The following CDH12 variants were observed in gnomAD, a reference collection of about 807,000 sequenced individuals.
CDH12 encodes cadherin 12, also known as cadherin-12.
A neutral mutation model predicts 74.1 loss-of-function variants in CDH12; 41 were observed. The observed-to-expected ratio is 0.55, with a 90% confidence interval of 0.43 to 0.72. The LOEUF is 0.72. Ranked by LOEUF, CDH12 falls within the 30% of genes least tolerant of loss-of-function variation. The pLI, the probability that CDH12 is intolerant of heterozygous loss-of-function variation, is 0.00. For missense variants in CDH12, 945 were observed against 977.2 expected (o/e 0.97, Z 0.44); for synonymous variants, 399 against 355.0 (o/e 1.12, Z -1.39).
chr5:22,117,144 C>T (rs535550007), intron 4 of CDH12, among the ~76,000 whole-genome samples: 3 of 151,126 alleles, frequency 2.0e-5, no homozygotes, highest in Non-Finnish European at 4.4e-5. Context: ...ATCTGCAGTA[C>T]ACAATGAAAG....
chr5:21,938,201 T>C (rs1036697191), intron 6 of CDH12, among the ~76,000 whole-genome samples: 13 of 151,896 alleles, frequency 8.6e-5, no homozygotes, highest in African/African-American at 3.1e-4. Flanking sequence ...CTCTCCAGAG[T>C]AGTTAAGCTC....
At chr5:22,470,610 A>G (rs373285915) in intron 2 of CDH12, among the ~76,000 whole-genome samples, 2 of 151,746 alleles carry the variant, frequency 1.3e-5, no homozygotes, top group East Asian at 3.9e-4. Context: ...TTGTAGAGAT[A>G]AGGTCTTGCT....
chr5:22,233,902 A>G (rs1752474712), intron 3 of CDH12, among the ~76,000 whole-genome samples: 1 of 152,184 alleles, frequency 6.6e-6, no homozygotes, highest in South Asian at 2.1e-4. Flanking sequence ...GGATTCCACT[A>G]ATAGAAATAA....
chr5:22,654,818 A>G (rs547179448), intron 1 of CDH12, among the ~76,000 whole-genome samples: 2 of 150,270 alleles, frequency 1.3e-5, no homozygotes, highest in East Asian at 2.0e-4. Flanking sequence ...TTTAGTAGAG[A>G]TGGTGTTTCT....
chr5:21,949,202 A>T (rs573070091), intron 6 of CDH12, among the ~76,000 whole-genome samples: 1 of 152,190 alleles, frequency 6.6e-6, no homozygotes, highest in Admixed American at 6.5e-5. Context: ...TCTACTTATT[A>T]AAAGAAATAG....
In CDH12 at chr5:21,751,650, G is replaced by A. The variant is rs1444247726; in HGVS notation, c.*87C>T. On this transcript the variant is annotated 3_prime_UTR_variant, in exon 15 of 15. Transcript: ENST00000382254. ...TGTGTGTTTGTGTGTGTGTGTGTGT[G>A]TGAGAGAGATTTCTATTAATATTTG... 4.0e-6 allele frequency: 4 copies of A among 993,186 alleles called. No homozygotes were observed. Among genetic ancestry groups the A allele is most frequent in the African/African-American group, 3.3e-5 (2 of 60,760 alleles). The allele number at this position is 993,186 out of a possible 1,614,324, so 61.5% of individuals were successfully genotyped here.
At chr5:22,567,445 A>G (rs1739340886) in intron 1 of CDH12, among the ~76,000 whole-genome samples, 1 of 152,218 alleles carries the variant, frequency 6.6e-6, no homozygotes, top group African/African-American at 2.4e-5. Flanking sequence ...GTCAGGGTAT[A>G]AGAAACTTAT....
intron 5 of CDH12, among the ~76,000 whole-genome samples, 154 bp from the exon 6 acceptor site, chr5:21,975,539 GTTTT>G (rs1211665755): frequency 1.3e-5 from 2 of 152,140 alleles, no homozygotes; most frequent in Admixed American, 6.6e-5. Flanking sequence ...CTGTTTTCTC[GTTTT>G]TTATTTCTCC....
At chr5:22,737,669 T>C (rs925851567) in intron 1 of CDH12, among the ~76,000 whole-genome samples, 2 of 152,056 alleles carry the variant, frequency 1.3e-5, no homozygotes, top group East Asian at 1.9e-4. Flanking sequence ...GACAAACTTA[T>C]GACATTTTAA....
chr5:21,759,570 G>A (rs1396127149), intron 13 of CDH12, among the ~76,000 whole-genome samples: 1 of 152,030 alleles, frequency 6.6e-6, no homozygotes, highest in East Asian at 1.9e-4. Context: ...ACTTGATTTA[G>A]TAAAATTGTA....
chr5:22,642,273 A>G (rs981594155), intron 1 of CDH12, among the ~76,000 whole-genome samples: 5 of 152,190 alleles, frequency 3.3e-5, no homozygotes, highest in African/African-American at 4.8e-5. Flanking sequence ...AATTATATAG[A>G]GACATTTGAT....
intron 5 of CDH12, among the ~76,000 whole-genome samples, chr5:21,983,691 T>G (rs1471655959): frequency 2.0e-5 from 3 of 152,282 alleles, no homozygotes; most frequent in South Asian, 4.1e-4. Flanking sequence ...AGAATTCAAT[T>G]GTTTAATGTT....
At position 21,751,681 on chromosome 5, in the gene CDH12, C is replaced by T. The variant is rs978346566; in HGVS notation, c.*56G>A. 1 of 1,411,866 alleles carries T rather than the reference C, an allele frequency of 7.1e-7. No individual in the cohort carries two copies. The highest frequency in any genetic ancestry group is 9.6e-7 in the Non-Finnish European group (1 of 1,037,206). The allele number at this position is 1,411,866 out of a possible 1,614,324, so 87.5% of individuals were successfully genotyped here. A position where few individuals can be genotyped will look rare whatever the true frequency, so the allele number is the denominator to read the frequency against. On this transcript the variant is annotated 3_prime_UTR_variant, in exon 15 of 15. Transcript: ENST00000382254. ...GAGATTTCTATTAATATTTGTGTTT[C>T]TTTTTCTTTTTTAAAAATCTCCCCT...
chr5:22,099,047 C>G lies in CDH12; in HGVS notation c.-186-20185G>C, dbSNP rs975430413. Among the ~76,000 whole-genome samples the G allele has an allele frequency of 5.9e-5, 9 of 152,148 alleles. No homozygotes were observed. In the East Asian group the frequency reaches 1.7e-3, roughly 29 times the overall value. On this transcript the variant is annotated intron_variant, in intron 4 of 14. Coordinates refer to ENST00000382254, the MANE Select transcript of CDH12 (RefSeq NM_004061.5). ...CACATCAAGCTAAGGGATTTGCCCCCACCCAGGACTGGCAAATTAGCTTTA... is the reference window on the plus strand; with the variant it reads ...CACATCAAGCTAAGGGATTTGCCCCGACCCAGGACTGGCAAATTAGCTTTA...
At chr5:22,784,183 A>G (rs899270540) in intron 1 of CDH12, among the ~76,000 whole-genome samples, 18 of 152,118 alleles carry the variant, frequency 1.2e-4, no homozygotes, top group African/African-American at 4.1e-4. Context: ...TAGTTTTTGT[A>G]AAATTTTCTC....
intron 6 of CDH12, among the ~76,000 whole-genome samples, chr5:21,888,741 A>G (rs773068312): frequency 5.9e-5 from 9 of 152,168 alleles, no homozygotes; most frequent in Admixed American, 2.0e-4. Context: ...TATTTATACT[A>G]TATTGTAACC....
At chr5:22,078,237 T>A (rs1223217670) in intron 5 of CDH12, among the ~76,000 whole-genome samples, 1 of 152,106 alleles carries the variant, frequency 6.6e-6, no homozygotes, top group Non-Finnish European at 1.5e-5. Context: ...ATTAAAATAA[T>A]CAGGAAGAAT....
At chr5:21,959,903 C>T (rs775568480) in intron 6 of CDH12, among the ~76,000 whole-genome samples, 9 of 132,966 alleles carry the variant, frequency 6.8e-5, no homozygotes, top group South Asian at 2.4e-4. Context: ...TATAGCCTGG[C>T]GACAGAGTGA....
At chr5:22,009,939 C>CAAAAAAAAAAAAAAA (rs774589642) in intron 5 of CDH12, among the ~76,000 whole-genome samples, 5 of 54,306 alleles carry the variant, frequency 9.2e-5, no homozygotes, top group African/African-American at 1.7e-4. Context: ...GAAACTGTCT[C>CAAAAAAAAAAAAAAA]AAAAAAAAAA....
Sources: allele counts gnomAD v4.1 joint callset (sites outside exome capture counted in the v4.1 genomes callset), GRCh38; gene constraint gnomAD v4.1.1; transcripts MANE v1.5; gene names NCBI Gene and HGNC (gene_info 2026-07-23, HGNC 2026-07-21).